Variants in GTF2IRD1 observed in about 807,000 individuals in gnomAD.
GTF2IRD1 encodes general transcription factor II-I repeat domain-containing protein 1.
Under a neutral mutation model 113.2 loss-of-function variants are expected in GTF2IRD1, and 26 were observed. The ratio of observed to expected loss-of-function variants is 0.23; its 90% CI spans 0.17 to 0.32. The LOEUF is 0.32. Ranked by LOEUF, GTF2IRD1 falls within the 10% of genes least tolerant of loss-of-function variation. The probability of loss-of-function intolerance (pLI) is 1.00; values close to 1 mark genes in which losing one functional copy is unlikely to be tolerated. For synonymous variants in GTF2IRD1, 484 were observed against 529.1 expected, an observed-to-expected ratio of 0.91 and a Z score of 1.17; for missense variants, 864 against 1,280.8, an observed-to-expected ratio of 0.67 and a Z score of 4.97.
At position 74,512,724 on chromosome 7, in the gene GTF2IRD1, T is replaced by TG; in HGVS notation, c.124-102dup. The TG allele has an allele frequency of 9.7e-7, 1 of 1,025,820 alleles. No homozygotes were observed. Among genetic ancestry groups the TG allele is most frequent in the Non-Finnish European group, 1.4e-6 (1 of 694,180 alleles). The allele number at this position is 1,025,820 out of a possible 1,614,324, so 63.5% of individuals were successfully genotyped here. A position where few individuals can be genotyped will look rare whatever the true frequency, so the allele number is the denominator to read the frequency against. On this transcript the variant is annotated intron_variant, in intron 2 of 26. Transcript: ENST00000424337. The surrounding 1 kb of genome is among the most constrained non-coding windows in gnomAD (Gnocchi z 4.4). ...GGCCGTCTGTCCCTGGAGCTGCTGCTGGGGTCTCAGGCAGCTGGGAGCTCA... is the reference window on the plus strand; with the variant it reads ...GGCCGTCTGTCCCTGGAGCTGCTGCTGGGGGTCTCAGGCAGCTGGGAGCTCA...
At chr7:74,543,487 A>T (rs1283698207) in intron 14 of GTF2IRD1, among the ~76,000 whole-genome samples, 1 of 152,150 alleles carries the variant, frequency 6.6e-6, no homozygotes, top group African/African-American at 2.4e-5. Context: ...AGCACAAAAC[A>T]ACAACAAAAA....
intron 1 of GTF2IRD1, among the ~76,000 whole-genome samples, chr7:74,462,429 G>T (rs781789777): frequency 9.2e-5 from 14 of 152,150 alleles, no homozygotes; most frequent in Non-Finnish European, 1.9e-4. Context: ...CACATAAATG[G>T]AATCCTACAG....
intron 14 of GTF2IRD1, among the ~76,000 whole-genome samples, chr7:74,542,345 G>A (rs1329622214): frequency 2.0e-5 from 3 of 150,606 alleles, no homozygotes; most frequent in South Asian, 2.1e-4. Flanking sequence ...GTTTGCAGCC[G>A]AGATCACGCC....
chr7:74,499,952 G>T (rs1313339811), intron 1 of GTF2IRD1, among the ~76,000 whole-genome samples: 2 of 152,186 alleles, frequency 1.3e-5, no homozygotes, highest in African/African-American at 4.8e-5. Flanking sequence ...ACACACAAAG[G>T]AATGAATGTA....
chr7:74,462,502 G>A (rs1470591008), intron 1 of GTF2IRD1, among the ~76,000 whole-genome samples: 4 of 152,184 alleles, frequency 2.6e-5, no homozygotes, highest in African/African-American at 9.7e-5. Flanking sequence ...TGGGTACACG[G>A]GTAGCTGGTC....
At chr7:74,585,470 G>T (rs1801668433) in intron 22 of GTF2IRD1, among the ~76,000 whole-genome samples, 1 of 152,098 alleles carries the variant, frequency 6.6e-6, no homozygotes, top group Non-Finnish European at 1.5e-5. Context: ...GTTTCGTAGA[G>T]CTCTGACTTT....
intron 1 of GTF2IRD1, among the ~76,000 whole-genome samples, chr7:74,460,909 C>T (rs1371371738): frequency 6.6e-6 from 1 of 152,122 alleles, no homozygotes; most frequent in Non-Finnish European, 1.5e-5. Context: ...GGAATTCCTG[C>T]ACCTTTGCCA....
intron 15 of GTF2IRD1, 55 bp downstream of exon 15, chr7:74,544,857 C>T: frequency 7.1e-7 from 1 of 1,413,552 alleles, no homozygotes; most frequent in South Asian, 1.2e-5. Context: ...CATCTCTCTT[C>T]CCCTGCCGCC....
chr7:74,514,608 C>T (rs1315550766), intron 3 of GTF2IRD1, among the ~76,000 whole-genome samples: 1 of 152,140 alleles, frequency 6.6e-6, no homozygotes, highest in African/African-American at 2.4e-5. Context: ...GATCCACCAA[C>T]ACTCTCCGGT....
At chr7:74,513,084 T>C in intron 3 of GTF2IRD1, 113 bp downstream of exon 3, 2 of 1,003,018 alleles carry the variant, frequency 2.0e-6, no homozygotes, top group Middle Eastern at 3.1e-4. Flanking sequence ...GTGTGGGGAG[T>C]GAACCTAACA....
chr7:74,478,401 G>A (rs1794550837), intron 1 of GTF2IRD1, among the ~76,000 whole-genome samples: 1 of 152,234 alleles, frequency 6.6e-6, no homozygotes, highest in Non-Finnish European at 1.5e-5. Flanking sequence ...GCTGAGAGCA[G>A]TAGAATTACC....
At position 74,464,570 on chromosome 7, in the gene GTF2IRD1, C is replaced by T. The variant is rs530914874; in HGVS notation, c.-7+10394C>T. Reference sequence around the variant, plus strand: ...TCAGGCACTTCTCCCGCCTCAGCCTCCCAAATAGCTGGGATTACAGGCACC... The same window carrying T: ...TCAGGCACTTCTCCCGCCTCAGCCTTCCAAATAGCTGGGATTACAGGCACC... On this transcript the variant is annotated intron_variant, in intron 1 of 26. Transcript: ENST00000424337. Among the ~76,000 whole-genome samples the T allele has an allele frequency of 2.6e-4, 40 of 152,232 alleles. No homozygotes were observed. In the South Asian group the frequency reaches 8.1e-3, roughly 31 times the overall value.
intron 22 of GTF2IRD1, among the ~76,000 whole-genome samples, chr7:74,575,964 TC>T (rs1274961791): frequency 6.6e-6 from 1 of 151,356 alleles, no homozygotes; most frequent in Non-Finnish European, 1.5e-5. Flanking sequence ...GCCCAGGAGT[TC>T]GAGACAAGCC....
intron 22 of GTF2IRD1, among the ~76,000 whole-genome samples, chr7:74,582,483 T>C (rs1554366440): frequency 6.6e-6 from 1 of 152,170 alleles, no homozygotes; most frequent in Admixed American, 6.6e-5. Context: ...GGTCTTGAAC[T>C]CCTGGCCTCA....
intron 15 of GTF2IRD1, 51 bp downstream of exon 15, chr7:74,544,853 T>C (rs1583846582): frequency 6.8e-7 from 1 of 1,470,168 alleles, no homozygotes; most frequent in African/African-American, 1.4e-5. Flanking sequence ...ACCCCATCTC[T>C]CTTCCCCTGC....
intron 14 of GTF2IRD1, among the ~76,000 whole-genome samples, chr7:74,543,124 G>A (rs1554352213): frequency 1.3e-5 from 2 of 152,074 alleles, no homozygotes; most frequent in African/African-American, 4.8e-5. Context: ...CCAACATGGC[G>A]AAACTCCGTC....
chr7:74,586,219 G>A (rs868914513), intron 22 of GTF2IRD1, among the ~76,000 whole-genome samples: 1 of 152,194 alleles, frequency 6.6e-6, no homozygotes, highest in Non-Finnish European at 1.5e-5. Context: ...CTTCCCTGCA[G>A]GCTCTAGGAG....
rs1554344513 is a variant in GTF2IRD1 at position 74,515,694 on chromosome 7, C to G, written c.421+98C>G. The G allele has an allele frequency of 2.8e-6, 3 of 1,066,866 alleles. No individual in the cohort carries two copies. The African/African-American group carries it at 4.8e-5, about 17-fold the overall frequency. 66.1% of individuals were successfully genotyped at this position (1,066,866 alleles called of 1,614,324 possible). A position where few individuals can be genotyped will look rare whatever the true frequency, so the allele number is the denominator to read the frequency against. ...GCCCCCTCCTGTCCCACTATGGGCC[C>G]TGGGCAAAGCCGGACCCCAAGGCAT... On this transcript the variant is annotated intron_variant, in intron 4 of 26. Coordinates refer to ENST00000424337, the MANE Select transcript of GTF2IRD1 (RefSeq NM_005685.4).
intron 1 of GTF2IRD1, among the ~76,000 whole-genome samples, chr7:74,468,260 G>A (rs547323893): frequency 6.0e-4 from 92 of 152,142 alleles, no homozygotes; most frequent in South Asian, 1.0e-3. Context: ...TTAGCACTTC[G>A]GAAGGCCGAG....
Sources: gnomAD v4.1 joint callset for allele counts (sites outside exome capture counted in the v4.1 genomes callset) on GRCh38, gnomAD v4.1.1 for gene constraint, Gnocchi (gnomAD v3.1) non-coding constraint, MANE v1.5 for transcripts, NCBI Gene and HGNC (gene_info 2026-07-23, HGNC 2026-07-21) for gene names.